Variants in PEX14 observed in about 807,000 individuals in gnomAD.
The protein encoded by PEX14 is peroxisomal biogenesis factor 14, also known as peroxisomal membrane protein PEX14.
In PEX14, 15 loss-of-function variants were observed where a neutral mutation model predicts 49.5. That is an observed-to-expected ratio of 0.30 (90% CI 0.20 to 0.47). The LOEUF is 0.47. Among genes scored for constraint, PEX14 ranks in the 20% least tolerant of loss-of-function variants. The probability of loss-of-function intolerance (pLI) is 1.00; values close to 1 mark genes in which losing one functional copy is unlikely to be tolerated. For synonymous variants in PEX14, 210 were observed against 212.7 expected (o/e 0.99, Z 0.11); for missense variants, 398 against 494.8 (o/e 0.80, Z 1.86).
At chr1:10,476,556 A>C (rs905536737) in intron 1 of PEX14, among the ~76,000 whole-genome samples, 8 of 152,082 alleles carry the variant, frequency 5.3e-5, no homozygotes, top group Non-Finnish European at 1.2e-4. Flanking sequence ...GCTGGAGTGC[A>C]TTGGCGCAAT....
At chr1:10,614,969 G>A (rs752233767) in intron 4 of PEX14, among the ~76,000 whole-genome samples, 1 of 152,190 alleles carries the variant, frequency 6.6e-6, no homozygotes, top group Non-Finnish European at 1.5e-5. Context: ...CGGCTCCTTG[G>A]GGTCGAGGTG....
rs1641940348 is a variant in PEX14 at position 10,514,554 on chromosome 1, C to A, written c.84+19233C>A. 6.6e-6 allele frequency among the ~76,000 whole-genome samples: 1 copy of A among 152,134 alleles called. No homozygotes were observed. Among genetic ancestry groups the A allele is most frequent in the South Asian group, 2.1e-4 (1 of 4,826 alleles). On this transcript the variant is annotated intron_variant, in intron 2 of 8. Coordinates refer to ENST00000356607, the MANE Select transcript of PEX14 (RefSeq NM_004565.3). This position sits in a 1 kb window ranked among gnomAD's most constrained non-coding sequence, Gnocchi z 4.4. ...GGAACTTTGGGCCTAAGACGCAACT[C>A]AAGGGAAAGCCATTGGGGAATGCTC...
At chr1:10,564,676 C>T (rs1639751766) in intron 3 of PEX14, among the ~76,000 whole-genome samples, 1 of 151,090 alleles carries the variant, frequency 6.6e-6, no homozygotes, top group Non-Finnish European at 1.5e-5. Context: ...CAAGTGATGC[C>T]ACCTGCCTTG....
chr1:10,577,579 T>G (rs1367222680), intron 3 of PEX14, among the ~76,000 whole-genome samples: 1 of 14,076 alleles, frequency 7.1e-5, no homozygotes, highest in African/African-American at 2.8e-4. Context: ...TTTTTTTTTT[T>G]TTTTTTTTTT....
At chr1:10,507,337 G>A (rs1218626083) in intron 2 of PEX14, among the ~76,000 whole-genome samples, 1 of 152,258 alleles carries the variant, frequency 6.6e-6, no homozygotes, top group Non-Finnish European at 1.5e-5. Flanking sequence ...CTGCACAAAC[G>A]TATCTTCAGC....
At chr1:10,569,783 C>G (rs868043368) in intron 3 of PEX14, among the ~76,000 whole-genome samples, 22 of 152,130 alleles carry the variant, frequency 1.4e-4, no homozygotes, top group African/African-American at 5.1e-4. Context: ...CCATTGTTTT[C>G]TACCTTTCTG....
At chr1:10,594,997 T>C (rs1226036304) in intron 3 of PEX14, among the ~76,000 whole-genome samples, 1 of 152,152 alleles carries the variant, frequency 6.6e-6, no homozygotes, top group Admixed American at 6.5e-5. Context: ...ACTGGGGTTT[T>C]ATTAATCAAT....
chr1:10,551,507 C>G (rs1639333554), intron 3 of PEX14, among the ~76,000 whole-genome samples: 1 of 152,092 alleles, frequency 6.6e-6, no homozygotes, highest in Non-Finnish European at 1.5e-5. Flanking sequence ...CTTGGAGATT[C>G]TTTAGAGGTG....
chr1:10,513,492 G>A (rs1311991905), intron 2 of PEX14, among the ~76,000 whole-genome samples: 2 of 152,154 alleles, frequency 1.3e-5, no homozygotes, highest in African/African-American at 2.4e-5. Context: ...AGTGAGGGGT[G>A]GCCCGATAGC....
Position 10,502,294 on chromosome 1 carries a change from C to T in PEX14, c.84+6973C>T, listed in dbSNP as rs527249239. Among the ~76,000 whole-genome samples, 77 of 152,040 alleles carry T rather than the reference C, an allele frequency of 5.1e-4. 3 individuals are homozygous for T. In the South Asian group the frequency reaches 0.015, roughly 29 times the overall value. Reference sequence around the variant, plus strand: ...TTCCCACCTCCTCTGCCAGATCTGCCGAAAAAAGCTAAGAACTGGATGCTG... The same window carrying T: ...TTCCCACCTCCTCTGCCAGATCTGCTGAAAAAAGCTAAGAACTGGATGCTG... On this transcript the variant is annotated intron_variant, in intron 2 of 8. Coordinates refer to ENST00000356607, the MANE Select transcript of PEX14 (RefSeq NM_004565.3).
chr1:10,493,006 A>C (rs994789095), intron 1 of PEX14, among the ~76,000 whole-genome samples: 1 of 152,194 alleles, frequency 6.6e-6, no homozygotes, highest in Non-Finnish European at 1.5e-5. Flanking sequence ...GAAGTGTCTT[A>C]GCTGGATCTG....
At chr1:10,527,350 C>T (rs1037491737) in intron 2 of PEX14, among the ~76,000 whole-genome samples, 3 of 151,252 alleles carry the variant, frequency 2.0e-5, no homozygotes, top group African/African-American at 4.9e-5. Flanking sequence ...AACCCTGTCT[C>T]TACTAAAAAT....
rs1421040187 is a variant in PEX14 at position 10,630,528 on chromosome 1, C to T, written c.*541C>T. ...CCGTCGTCCTCCCAGACAAATGAAA[C>T]CACGCTGCGCTTCCGATGCCCCCGC... On this transcript the variant is annotated 3_prime_UTR_variant, in exon 9 of 9. Coordinates refer to ENST00000356607, the MANE Select transcript of PEX14 (RefSeq NM_004565.3). The surrounding 1 kb of genome is among the most constrained non-coding windows in gnomAD (Gnocchi z 4.1). 1 of 154,944 alleles carries T rather than the reference C, an allele frequency of 6.5e-6. No homozygotes were observed. The highest frequency in any genetic ancestry group is 2.5e-5 in the African/African-American group (1 of 40,756). 9.6% of individuals were successfully genotyped at this position (154,944 alleles called of 1,614,324 possible).
chr1:10,501,528 C>T (rs551600653), intron 2 of PEX14, among the ~76,000 whole-genome samples: 100 of 152,162 alleles, frequency 6.6e-4, no homozygotes, highest in African/African-American at 2.3e-3. Flanking sequence ...GTCTCAATCT[C>T]CTGACCTCGT....
intron 3 of PEX14, among the ~76,000 whole-genome samples, chr1:10,552,713 G>T (rs1570254317): frequency 6.6e-6 from 1 of 152,204 alleles, no homozygotes; most frequent in African/African-American, 2.4e-5. Context: ...GATGTGGTGT[G>T]GGTGATAAAA....
chr1:10,476,584 C>T (rs951308445), intron 1 of PEX14, among the ~76,000 whole-genome samples: 2 of 152,098 alleles, frequency 1.3e-5, no homozygotes, highest in Admixed American at 6.6e-5. Context: ...CACTGCCTCC[C>T]GGGTTCGAGC....
rs536651280 is a variant in PEX14 at position 10,484,053 on chromosome 1, T to A, written c.36+9051T>A. ...CTTTTTTTTTTTTTTTTTGAGATGG[T>A]ATTTCGCTCTTGTTGCCCAGGTTGA... is the stretch of plus-strand genomic sequence containing the variant. On this transcript the variant is annotated intron_variant, in intron 1 of 8. Transcript: ENST00000356607. Among the ~76,000 whole-genome samples, 6 of 144,338 alleles carry A rather than the reference T, an allele frequency of 4.2e-5. No individual in the cohort carries two copies. In the South Asian group the frequency reaches 1.3e-3, roughly 32 times the overall value. 94.7% of individuals were successfully genotyped at this position (144,338 alleles called of 152,430 possible).
chr1:10,577,529 C>CATACATATATATATATATATAT (rs1640157713), intron 3 of PEX14, among the ~76,000 whole-genome samples: 1 of 43,014 alleles, frequency 2.3e-5, no homozygotes, highest in Admixed American at 4.6e-4. Flanking sequence ...GGACACTATA[C>CATACATATATATATATATATAT]ATATATATAT....
chr1:10,602,744 C>T (rs1447964208), intron 4 of PEX14, among the ~76,000 whole-genome samples: 1 of 152,138 alleles, frequency 6.6e-6, no homozygotes, highest in Non-Finnish European at 1.5e-5. Flanking sequence ...TTCTAACCCC[C>T]TTAATTACAA....
Sources: allele counts gnomAD v4.1 joint callset (sites outside exome capture counted in the v4.1 genomes callset), GRCh38; gene constraint gnomAD v4.1.1; non-coding constraint Gnocchi (gnomAD v3.1); transcripts MANE v1.5; gene names NCBI Gene and HGNC (gene_info 2026-07-23, HGNC 2026-07-21).